LTBP1: variants seen among roughly 807,000 people sequenced by gnomAD.
The protein encoded by LTBP1 is latent transforming growth factor beta binding protein 1.
A neutral mutation model predicts 207.6 loss-of-function variants in LTBP1; 129 were observed. The observed-to-expected ratio is 0.62, with a 90% CI of 0.54 to 0.72. The LOEUF is 0.72. LTBP1 is among the 30% of genes least tolerant of loss of function. LTBP1 has a pLI of 0.00. For missense variants in LTBP1, 2,281 were observed against 2,217.2 expected, an observed-to-expected ratio of 1.03 and a Z score of -0.58; for synonymous variants, 963 against 833.7, an observed-to-expected ratio of 1.16 and a Z score of -2.67.
chr2:33,339,154 A>C (rs1466103607), intron 24 of LTBP1, among the ~76,000 whole-genome samples: 1 of 151,938 alleles, frequency 6.6e-6, no homozygotes, highest in Admixed American at 6.6e-5. Context: ...GGAGAAAGTG[A>C]AGGGTGATAT....
At chr2:33,111,497 G>C (rs1368060384) in intron 4 of LTBP1, among the ~76,000 whole-genome samples, 1 of 152,248 alleles carries the variant, frequency 6.6e-6, no homozygotes, top group East Asian at 1.9e-4. Context: ...GGTAATGAAA[G>C]AGAATGCCAG....
intron 5 of LTBP1, among the ~76,000 whole-genome samples, chr2:33,146,508 T>G (rs2083054916): frequency 6.6e-6 from 1 of 152,200 alleles, no homozygotes; most frequent in South Asian, 2.1e-4. Flanking sequence ...ATTTTTATTC[T>G]CTTTAATTGT....
chr2:33,064,610 C>T (rs2149674424), intron 3 of LTBP1, among the ~76,000 whole-genome samples: 1 of 152,278 alleles, frequency 6.6e-6, no homozygotes, highest in African/African-American at 2.4e-5. Context: ...GGGCTGCTAG[C>T]CAACTTTGCC....
intron 3 of LTBP1, among the ~76,000 whole-genome samples, chr2:33,076,758 A>G (rs1019748109): frequency 1.3e-5 from 2 of 151,984 alleles, no homozygotes; most frequent in Admixed American, 6.6e-5. Context: ...GATGGTCTCA[A>G]TCTCTTGACC....
chr2:33,326,124 T>C (rs1020725780), intron 24 of LTBP1, among the ~76,000 whole-genome samples: 6 of 152,184 alleles, frequency 3.9e-5, no homozygotes, highest in Non-Finnish European at 8.8e-5. Flanking sequence ...ATATACTACT[T>C]TTCAGTCTAA....
At chr2:33,316,846 C>T (rs76945612) in intron 24 of LTBP1, among the ~76,000 whole-genome samples, 2,040 of 152,266 alleles carry the variant, frequency 0.013, 29 homozygotes, top group Non-Finnish European at 0.023. Context: ...TGCAGAATTC[C>T]TAAGCTCTAG....
At chr2:33,365,210 C>T (rs1401985425) in intron 30 of LTBP1, 123 bp from the exon 31 acceptor site, 2 of 803,346 alleles carry the variant, frequency 2.5e-6, no homozygotes, top group Non-Finnish European at 4.0e-6. Flanking sequence ...TGGATTCAGA[C>T]TTTTACTTGG....
At chr2:33,059,687 C>T (rs1454959025) in intron 3 of LTBP1, among the ~76,000 whole-genome samples, 1 of 152,176 alleles carries the variant, frequency 6.6e-6, no homozygotes, top group African/African-American at 2.4e-5. Context: ...ATACCAAATA[C>T]ATGTCATTTA....
chr2:33,218,718 A>G (rs1347683433), intron 8 of LTBP1, among the ~76,000 whole-genome samples: 2 of 152,198 alleles, frequency 1.3e-5, no homozygotes, highest in Non-Finnish European at 2.9e-5. Context: ...TTAGAGACAG[A>G]GGTGACTGGG....
At chr2:33,310,644 C>G (rs959214664) in intron 23 of LTBP1, among the ~76,000 whole-genome samples, 3 of 152,058 alleles carry the variant, frequency 2.0e-5, no homozygotes, top group Non-Finnish European at 4.4e-5. Context: ...CATTGCCATA[C>G]CAATTATTGT....
chr2:32,947,458 T>G lies in LTBP1; in HGVS notation c.134T>G (p.Leu45Arg). 6.9e-7 allele frequency: 1 copy of G among 1,443,568 alleles called. No individual in the cohort carries two copies. The highest frequency in any genetic ancestry group is 9.1e-7 in the Non-Finnish European group (1 of 1,100,976). 89.4% of individuals were successfully genotyped at this position (1,443,568 alleles called of 1,614,324 possible). ...GPGLAAGALPLSGPPRSRTFN... is the reference protein window; with the variant it reads ...GPGLAAGALPRSGPPRSRTFN... The stretch of plus-strand genomic sequence containing the variant: ...GGCCTGGCAGCCGGCGCCTTGCCCC[T>G]GAGCGGGCCCCCGCGTTCGCGGACA... Residue 45 changes from leucine (L) to arginine (R), a missense_variant, in exon 1 of 34, where the codon CTG (leucine) becomes CGG (arginine). Physicochemically the swap from Leu to Arg is moderately radical, Grantham distance 102 (BLOSUM62 -2). Coordinates refer to ENST00000404816, the MANE Select transcript of LTBP1 (RefSeq NM_206943.4).
intron 7 of LTBP1, among the ~76,000 whole-genome samples, chr2:33,201,218 G>A (rs2089214194): frequency 6.6e-6 from 1 of 152,056 alleles, no homozygotes; most frequent in Non-Finnish European, 1.5e-5. Context: ...CAAAGACTTG[G>A]AACCAACCCA....
chr2:33,302,892 G>A (rs1304936889), intron 22 of LTBP1, among the ~76,000 whole-genome samples: 1 of 150,690 alleles, frequency 6.6e-6, no homozygotes, highest in Non-Finnish European at 1.5e-5. Context: ...CTGAAACCCC[G>A]TCTCTACTAA....
intron 5 of LTBP1, among the ~76,000 whole-genome samples, chr2:33,140,148 G>A (rs530525865): frequency 8.5e-4 from 129 of 152,308 alleles, no homozygotes; most frequent in African/African-American, 3.0e-3. Context: ...TCACAAAACC[G>A]ACCTAATACT....
chr2:32,975,621 T>TTTTTG (rs1558461916), intron 2 of LTBP1, among the ~76,000 whole-genome samples: 1 of 87,170 alleles, frequency 1.1e-5, no homozygotes, highest in African/African-American at 4.1e-5. Context: ...TTTTTTTTTT[T>TTTTTG]GTCTGACTGG....
intron 26 of LTBP1, among the ~76,000 whole-genome samples, chr2:33,355,367 C>T (rs1465056793): frequency 3.3e-5 from 5 of 152,190 alleles, no homozygotes; most frequent in East Asian, 1.9e-4. Context: ...TGATACAACA[C>T]GGCGTAGTAT....
At chr2:32,961,700 C>A (rs1198287755) in intron 2 of LTBP1, among the ~76,000 whole-genome samples, 1 of 152,042 alleles carries the variant, frequency 6.6e-6, no homozygotes, top group African/African-American at 2.4e-5. Flanking sequence ...AATCCCAGCA[C>A]TTTGGGAGGC....
chr2:33,272,107 A>C (rs1229450597), intron 15 of LTBP1, among the ~76,000 whole-genome samples: 1 of 152,208 alleles, frequency 6.6e-6, no homozygotes, highest in Non-Finnish European at 1.5e-5. Context: ...TTTTCAGATG[A>C]CTTGCATGAG....
chr2:33,330,485 T>A (rs1165031772), intron 24 of LTBP1, among the ~76,000 whole-genome samples: 6 of 151,866 alleles, frequency 4.0e-5, no homozygotes, highest in African/African-American at 1.4e-4. Context: ...CCATAGGTTT[T>A]TTTTTTCTTA....
Sources: gnomAD v4.1 joint callset for allele counts (sites outside exome capture counted in the v4.1 genomes callset) on GRCh38, gnomAD v4.1.1 for gene constraint, MANE v1.5 for transcripts, NCBI Gene and HGNC (gene_info 2026-07-23, HGNC 2026-07-21) for gene names.